SCP2: variants seen among roughly 807,000 people sequenced by gnomAD.
SCP2 encodes sterol carrier protein 2, also known as SCP-2/3-oxoacyl-CoA thiolase.
SCP2 carries 48 observed loss-of-function variants against 71.4 expected under a neutral mutation model. The observed-to-expected ratio is 0.67, with a 90% CI of 0.53 to 0.86. SCP2 has a LOEUF of 0.86. SCP2 is among the 40% of genes least tolerant of loss of function. The pLI, the probability that SCP2 is intolerant of heterozygous loss-of-function variation, is 0.00. For missense variants in SCP2, 560 were observed against 655.6 expected (o/e 0.85, Z 1.59); for synonymous variants, 220 against 218.1 (o/e 1.01, Z -0.08).
intron 13 of SCP2, among the ~76,000 whole-genome samples, chr1:53,029,084 G>A (rs1662339133): frequency 6.6e-6 from 1 of 151,790 alleles, no homozygotes; most frequent in Non-Finnish European, 1.5e-5. Context: ...CACAACACCT[G>A]TTGTTTTTTA....
intron 10 of SCP2, among the ~76,000 whole-genome samples, chr1:52,985,473 G>C (rs1420588282): frequency 1.3e-5 from 2 of 152,040 alleles, no homozygotes; most frequent in African/African-American, 2.4e-5. Context: ...TTTTGTCACT[G>C]CCAGCCTAGT....
intron 8 of SCP2, 151 bp downstream of exon 8, chr1:52,976,920 G>A (rs1391291517): frequency 3.2e-6 from 2 of 621,806 alleles, no homozygotes; most frequent in African/African-American, 3.7e-5. Flanking sequence ...CTTCACTAGA[G>A]TACCCTACTT....
rs1388632169 is a variant in SCP2, at chr1:53,000,866, G to A, written c.1081+12730G>A. Among the ~76,000 whole-genome samples the A allele has an allele frequency of 2.0e-5, 3 of 151,942 alleles. No homozygotes were observed. The East Asian group carries it at 5.8e-4, about 29-fold the overall frequency. ...GCTACTCGGGAGCCTGAGGTGGGAG[G>A]GTAGCTTGAGCCCAGTAGGCAGAGG... On this transcript the variant is annotated intron_variant, in intron 11 of 15. Transcript: ENST00000371514.
intron 11 of SCP2, among the ~76,000 whole-genome samples, chr1:53,012,677 G>T (rs1053822889): frequency 2.0e-5 from 3 of 152,290 alleles, no homozygotes; most frequent in Non-Finnish European, 4.4e-5. Flanking sequence ...GCATTTTAAA[G>T]ACTCTTCATA....
intron 13 of SCP2, among the ~76,000 whole-genome samples, chr1:53,034,217 C>T (rs905112534): frequency 1.3e-5 from 2 of 151,396 alleles, no homozygotes; most frequent in African/African-American, 4.9e-5. Context: ...GAGGAGGTTG[C>T]AGTGAGTTGA....
chr1:52,955,145 G>A (rs926529433), intron 5 of SCP2, among the ~76,000 whole-genome samples: 2 of 152,124 alleles, frequency 1.3e-5, no homozygotes, highest in African/African-American at 4.8e-5. Context: ...CAAGTTTTTT[G>A]AGCCAGTTCT....
chr1:52,943,272 G>T (rs1208175197), intron 2 of SCP2, among the ~76,000 whole-genome samples: 1 of 151,358 alleles, frequency 6.6e-6, no homozygotes, highest in Admixed American at 6.6e-5. Context: ...GCCCAGGCTG[G>T]AGTGCAGTGG....
intron 10 of SCP2, among the ~76,000 whole-genome samples, chr1:52,985,103 A>T (rs1572140434): frequency 6.6e-6 from 1 of 152,118 alleles, no homozygotes; most frequent in Non-Finnish European, 1.5e-5. Context: ...CCAGCCTCCC[A>T]AAGTGCTGGG....
chr1:52,999,580 G>T (rs1572166932), intron 11 of SCP2, among the ~76,000 whole-genome samples: 1 of 152,164 alleles, frequency 6.6e-6, no homozygotes, highest in East Asian at 1.9e-4. Flanking sequence ...AATAGTAAAA[G>T]AAAATTGTAG....
At position 53,022,398 on chromosome 1, in the gene SCP2, T is replaced by C. The variant is rs142959807; in HGVS notation, c.1236-5571T>C. ...TTTTTAGTGTTAGCCATCCTAGTGG[T>C]TGTGTAGTGGTATTTCATTGTTCTT... is the stretch of plus-strand genomic sequence containing the variant. On this transcript the variant is annotated intron_variant, in intron 12 of 15. Coordinates refer to ENST00000371514, the MANE Select transcript of SCP2 (RefSeq NM_002979.5). Among the ~76,000 whole-genome samples, 52 of 152,334 alleles carry C rather than the reference T, an allele frequency of 3.4e-4. 1 individual carries two copies. In the East Asian group the frequency reaches 9.2e-3, roughly 27 times the overall value.
chr1:53,042,666 G>T (rs763817669), intron 14 of SCP2, among the ~76,000 whole-genome samples: 1 of 152,178 alleles, frequency 6.6e-6, no homozygotes, highest in Non-Finnish European at 1.5e-5. Flanking sequence ...ATTTGTTAGA[G>T]ATTAGCTACA....
In SCP2 at chr1:52,939,757, C is replaced by A. The variant is rs191233334; in HGVS notation, c.70-2039C>A. 4.7e-4 allele frequency among the ~76,000 whole-genome samples: 71 copies of A among 152,312 alleles called. 1 individual carries two copies. Among genetic ancestry groups the A allele is most frequent in the African/African-American group, 1.6e-3 (67 of 41,576 alleles). On this transcript the variant is annotated intron_variant, in intron 1 of 15. Coordinates refer to ENST00000371514, the MANE Select transcript of SCP2 (RefSeq NM_002979.5). ...GCAATGGCACAATCTTGGCTCACTG[C>A]AACCTCTGCCTCCTGGGTTTTCCTG...
Position 52,980,537 on chromosome 1 carries a change from C to T in SCP2, c.967C>T (p.Pro323Ser), listed in dbSNP as rs762959346. The T allele has an allele frequency of 1.9e-6, 3 of 1,613,542 alleles. No individual in the cohort carries two copies. The highest frequency in any genetic ancestry group is 2.5e-6 in the Non-Finnish European group (3 of 1,179,508). Residue 323 changes from proline (P) to serine (S), a missense_variant, in exon 10 of 16, where the codon CCA (proline) becomes TCA (serine). Pro to Ser is a moderately conservative substitution (Grantham distance 74). Around this residue, in one of 3 missense-constraint regions of SCP2, gnomAD observed 513 missense variants for 573.1 expected, o/e 0.90. Coordinates refer to ENST00000371514, the MANE Select transcript of SCP2 (RefSeq NM_002979.5). ...TACTTATGAAGCACTGGGACTCTGT[C>T]CAGAAGGTAACATCTTTGAATAGGG... Reference protein sequence around the residue: ...LLTYEALGLCPEGQGATLVDR... With the variant: ...LLTYEALGLCSEGQGATLVDR...
chr1:52,960,480 ATGTGTG>A (rs71044447), intron 5 of SCP2, among the ~76,000 whole-genome samples: 10,303 of 139,354 alleles, frequency 0.074, 450 homozygotes, highest in South Asian at 0.1. Context: ...TACTATGTAT[ATGTGTG>A]TGTGTGTGTG....
At chr1:53,033,041 TAAAAG>T (rs1462401082) in intron 13 of SCP2, among the ~76,000 whole-genome samples, 1 of 152,172 alleles carries the variant, frequency 6.6e-6, no homozygotes. Flanking sequence ...CTTTTTCACT[TAAAAG>T]AAAAACCTGA....
In SCP2 at chr1:53,006,320, G is replaced by A. The variant is rs1033741773; in HGVS notation, c.1082-8570G>A. The stretch of plus-strand genomic sequence containing the variant: ...CTCGAGAAGAGCAACTCCAAGACAC[G>A]TAATTGTCAGATTCACTAAAGTTGA... On this transcript the variant is annotated intron_variant, in intron 11 of 15. Transcript: ENST00000371514. 6.6e-5 allele frequency among the ~76,000 whole-genome samples: 10 copies of A among 152,100 alleles called. No individual in the cohort carries two copies. In the South Asian group the frequency reaches 1.3e-3, roughly 19 times the overall value.
chr1:52,969,464 G>T (rs188162410), intron 6 of SCP2, among the ~76,000 whole-genome samples: 53 of 152,134 alleles, frequency 3.5e-4, no homozygotes, highest in African/African-American at 1.3e-3. Context: ...AGCCAAGGTC[G>T]CACCTCTGCA....
chr1:52,938,610 T>C (rs1038807773), intron 1 of SCP2, among the ~76,000 whole-genome samples: 1 of 152,232 alleles, frequency 6.6e-6, no homozygotes, highest in Non-Finnish European at 1.5e-5. Flanking sequence ...GTCATCCCAG[T>C]CTCTTTCTCT....
At chr1:52,976,082 T>A (rs1657938143) in intron 7 of SCP2, among the ~76,000 whole-genome samples, 1 of 152,106 alleles carries the variant, frequency 6.6e-6, no homozygotes, top group African/African-American at 2.4e-5. Flanking sequence ...GCATATAGAG[T>A]GAGGTCTGGG....
Sources: gnomAD v4.1 joint callset for allele counts (sites outside exome capture counted in the v4.1 genomes callset) on GRCh38, gnomAD v4.1.1 for gene constraint, gnomAD v4.1.1 regional missense constraint, MANE v1.5 for transcripts, NCBI Gene and HGNC (gene_info 2026-07-23, HGNC 2026-07-21) for gene names.